The following EPB41L4B variants were observed in gnomAD, a reference collection of about 807,000 sequenced individuals.
EPB41L4B encodes the protein erythrocyte membrane protein band 4.1 like 4B.
In EPB41L4B, 30 loss-of-function variants were observed where a neutral mutation model predicts 112.5. That is an observed-to-expected ratio of 0.27 (90% CI 0.20 to 0.36). The LOEUF is 0.36. EPB41L4B is among the 10% of genes least tolerant of loss of function. EPB41L4B has a pLI of 1.00. For synonymous variants in EPB41L4B, 408 were observed against 439.7 expected (o/e 0.93, Z 0.90); for missense variants, 1,024 against 1,133.3 (o/e 0.90, Z 1.38).
intron 22 of EPB41L4B, 86 bp from the exon 23 acceptor site, chr9:109,185,691 G>C: frequency 4.5e-5 from 43 of 961,658 alleles, no homozygotes; most frequent in Non-Finnish European, 5.6e-5. Context: ...GGAAAGGAGA[G>C]AAAGACAGCA....
At chr9:109,298,396 C>A (rs1836822187) in intron 1 of EPB41L4B, among the ~76,000 whole-genome samples, 1 of 151,372 alleles carries the variant, frequency 6.6e-6, no homozygotes, top group Non-Finnish European at 1.5e-5. Flanking sequence ...TCACTGCAAC[C>A]TCTGCCTCCT....
chr9:109,264,761 G>C (rs1461564988), intron 5 of EPB41L4B, among the ~76,000 whole-genome samples: 1 of 152,156 alleles, frequency 6.6e-6, no homozygotes, highest in Non-Finnish European at 1.5e-5. Context: ...CATCACTTAA[G>C]ATATTAAATG....
At chr9:109,315,502 T>A (rs889252331) in intron 1 of EPB41L4B, among the ~76,000 whole-genome samples, 1 of 152,188 alleles carries the variant, frequency 6.6e-6, no homozygotes, top group Non-Finnish European at 1.5e-5. Flanking sequence ...TCTTCCATGA[T>A]CCTGTGTTAG....
At chr9:109,207,830 C>A in intron 18 of EPB41L4B, 94 bp downstream of exon 18, 3 of 1,477,718 alleles carry the variant, frequency 2.0e-6, no homozygotes. Flanking sequence ...CCCTGACTGA[C>A]ACAGCATCTC....
At chr9:109,258,043 A>C in intron 7 of EPB41L4B, 134 bp downstream of exon 7, 1 of 950,114 alleles carries the variant, frequency 1.1e-6, no homozygotes, top group South Asian at 1.7e-5. Context: ...GGACTGACAC[A>C]AGGAGAGAAG....
At chr9:109,241,827 C>A in intron 15 of EPB41L4B, 4 of 1,613,400 alleles carry the variant, frequency 2.5e-6, no homozygotes, top group Non-Finnish European at 3.4e-6. Flanking sequence ...GTTTGCAGAG[C>A]GAATGGTTAG....
At chr9:109,220,817 G>T (rs1054077049) in intron 15 of EPB41L4B, among the ~76,000 whole-genome samples, 5 of 152,108 alleles carry the variant, frequency 3.3e-5, no homozygotes, top group Non-Finnish European at 5.9e-5. Flanking sequence ...GAATGTGGAA[G>T]AAGGCACGAT....
intron 15 of EPB41L4B, among the ~76,000 whole-genome samples, chr9:109,233,529 C>CTTTT (rs1279102986): frequency 7.5e-6 from 1 of 132,684 alleles, no homozygotes; most frequent in African/African-American, 2.9e-5. Context: ...TGGGAACCTA[C>CTTTT]TTTTTTTTTT....
intron 6 of EPB41L4B, among the ~76,000 whole-genome samples, chr9:109,261,496 G>C (rs1186417214): frequency 7.2e-5 from 11 of 152,086 alleles, no homozygotes. Flanking sequence ...AGGAGTTCAA[G>C]ACAACAGGAA....
intron 14 of EPB41L4B, 52 bp from the exon 15 acceptor site, chr9:109,243,734 G>T: frequency 1.3e-6 from 2 of 1,568,784 alleles, no homozygotes; most frequent in Non-Finnish European, 1.8e-6. Context: ...AATTTCAATG[G>T]TCCTCATTCG....
intron 20 of EPB41L4B, among the ~76,000 whole-genome samples, chr9:109,197,156 C>T (rs1832669623): frequency 6.6e-6 from 1 of 152,206 alleles, no homozygotes; most frequent in South Asian, 2.1e-4. Context: ...GGTGTGGTGG[C>T]TCATGCCTGT....
At chr9:109,234,372 T>C (rs185872295) in intron 15 of EPB41L4B, among the ~76,000 whole-genome samples, 1 of 152,036 alleles carries the variant, frequency 6.6e-6, no homozygotes, top group Admixed American at 6.6e-5. Context: ...CTTGAGGGAG[T>C]TGATGCAGCT....
intron 21 of EPB41L4B, among the ~76,000 whole-genome samples, chr9:109,193,060 G>A (rs1233989523): frequency 1.3e-5 from 2 of 152,194 alleles, no homozygotes; most frequent in East Asian, 3.9e-4. Context: ...ATAGGAGCCT[G>A]GGTCCACACC....
At chr9:109,196,442 G>C (rs180695805) in intron 20 of EPB41L4B, 15 of 152,244 alleles carry the variant, frequency 9.9e-5, no homozygotes, top group African/African-American at 3.4e-4. Flanking sequence ...CTTTTGGCTG[G>C]GCACAGAGGC....
rs376380184 is a variant in EPB41L4B, at chr9:109,205,467, T to C, written c.1879-1737A>G. ...TGTTACAACTTTCTAATGTAGATAATTACAGCTTTGTAAATTGCAAAATAT... is the reference window on the plus strand; with the variant it reads ...TGTTACAACTTTCTAATGTAGATAACTACAGCTTTGTAAATTGCAAAATAT... On this transcript the variant is annotated intron_variant, in intron 18 of 25. Coordinates refer to ENST00000374566, the MANE Select transcript of EPB41L4B (RefSeq NM_019114.5). 6.2e-4 allele frequency among the ~76,000 whole-genome samples: 95 copies of C among 152,348 alleles called. 2 individuals are homozygous for C. The South Asian group carries it at 0.019, about 31-fold the overall frequency.
At chr9:109,283,325 A>C (rs1416555150) in intron 1 of EPB41L4B, among the ~76,000 whole-genome samples, 1 of 152,238 alleles carries the variant, frequency 6.6e-6, no homozygotes, top group Non-Finnish European at 1.5e-5. Flanking sequence ...TATTTGTGTG[A>C]CACACATAGC....
intron 20 of EPB41L4B, among the ~76,000 whole-genome samples, chr9:109,200,033 C>T (rs1832768655): frequency 6.6e-6 from 1 of 152,160 alleles, no homozygotes; most frequent in Non-Finnish European, 1.5e-5. Context: ...TAATTTATTA[C>T]ACAGTAGTCA....
intron 1 of EPB41L4B, among the ~76,000 whole-genome samples, chr9:109,303,486 C>T (rs1837057182): frequency 6.6e-6 from 1 of 151,932 alleles, no homozygotes; most frequent in Non-Finnish European, 1.5e-5. Flanking sequence ...GCTGGGATTA[C>T]AGGTGCACGC....
At chr9:109,315,759 T>A (rs1300662138) in intron 1 of EPB41L4B, among the ~76,000 whole-genome samples, 1 of 152,162 alleles carries the variant, frequency 6.6e-6, no homozygotes, top group Non-Finnish European at 1.5e-5. Flanking sequence ...TTATGTGAGA[T>A]CAGAGGTTTC....
Sources: allele counts gnomAD v4.1 joint callset (sites outside exome capture counted in the v4.1 genomes callset), GRCh38; gene constraint gnomAD v4.1.1; transcripts MANE v1.5; gene names NCBI Gene and HGNC (gene_info 2026-07-23, HGNC 2026-07-21).